SLC44A1: variants seen among roughly 807,000 people sequenced by gnomAD.
The protein encoded by SLC44A1 is solute carrier family 44 member 1, also known as choline transporter-like protein 1.
SLC44A1 carries 26 observed loss-of-function variants against 79.3 expected under a neutral mutation model. That is an observed-to-expected ratio of 0.33 (90% CI 0.24 to 0.46). The LOEUF is 0.46. SLC44A1 is among the 20% of genes least tolerant of loss of function. SLC44A1 has a pLI of 1.00. For missense variants in SLC44A1, 688 were observed against 798.1 expected, an observed-to-expected ratio of 0.86 and a Z score of 1.66; for synonymous variants, 263 against 286.2, an observed-to-expected ratio of 0.92 and a Z score of 0.82.
intron 3 of SLC44A1, among the ~76,000 whole-genome samples, chr9:105,327,001 G>C (rs1826598832): frequency 6.6e-6 from 1 of 152,172 alleles, no homozygotes; most frequent in Non-Finnish European, 1.5e-5. Flanking sequence ...TTCCAAACCA[G>C]AATGTCCTAA....
chr9:105,435,935 C>T (rs1298226243), intron 15 of SLC44A1, among the ~76,000 whole-genome samples: 4 of 152,348 alleles, frequency 2.6e-5, no homozygotes, highest in Non-Finnish European at 4.4e-5. Flanking sequence ...TGGTGGCTCA[C>T]GCCTGTAATC....
At chr9:105,351,630 A>AAGAG (rs372812083) in intron 5 of SLC44A1, among the ~76,000 whole-genome samples, 2 of 38,142 alleles carry the variant, frequency 5.2e-5, no homozygotes, top group African/African-American at 1.4e-4. Flanking sequence ...AAGAGAGAGA[A>AAGAG]AGAGAAAGAA....
intron 7 of SLC44A1, 80 bp from the exon 8 acceptor site, chr9:105,361,111 G>C: frequency 7.4e-7 from 1 of 1,359,474 alleles, no homozygotes; most frequent in Non-Finnish European, 1.1e-6. Flanking sequence ...TCTGTAGGAA[G>C]GGTCAAGAAA....
chr9:105,374,781 A>G (rs751503429), intron 13 of SLC44A1, 46 bp downstream of exon 13: 17 of 1,466,238 alleles, frequency 1.2e-5, no homozygotes, highest in South Asian at 3.6e-5. Context: ...AATTTTGCAT[A>G]TATTTATTTG....
chr9:105,247,090 A>ATT (rs11382735), intron 1 of SLC44A1, among the ~76,000 whole-genome samples: 64 of 137,640 alleles, frequency 4.6e-4, no homozygotes, highest in African/African-American at 1.4e-3. Context: ...AGAGCTGGTG[A>ATT]TTTTTTTTTT....
chr9:105,411,789 G>A (rs1375127783), intron 15 of SLC44A1, among the ~76,000 whole-genome samples: 1 of 152,086 alleles, frequency 6.6e-6, no homozygotes, highest in Non-Finnish European at 1.5e-5. Context: ...ACCACAGAAG[G>A]CATAACTGTG....
chr9:105,351,670 G>GAAAGAAAT (rs1157732457), intron 5 of SLC44A1, among the ~76,000 whole-genome samples: 22 of 150,486 alleles, frequency 1.5e-4, no homozygotes, highest in Non-Finnish European at 3.0e-4. Flanking sequence ...AAGAAAGAAA[G>GAAAGAAAT]AAAGAACCAA....
intron 15 of SLC44A1, among the ~76,000 whole-genome samples, chr9:105,432,285 T>C (rs1829407817): frequency 6.6e-6 from 1 of 152,198 alleles, no homozygotes; most frequent in Non-Finnish European, 1.5e-5. Context: ...GAAAAGTTGA[T>C]TTATAGCCCT....
intron 2 of SLC44A1, among the ~76,000 whole-genome samples, chr9:105,306,094 C>G (rs1467971415): frequency 1.3e-5 from 2 of 152,160 alleles, no homozygotes; most frequent in African/African-American, 4.8e-5. Flanking sequence ...TTCCTCTTCT[C>G]TCTCTTAAAA....
intron 15 of SLC44A1, among the ~76,000 whole-genome samples, chr9:105,424,055 T>C (rs1829289156): frequency 6.6e-6 from 1 of 152,196 alleles, no homozygotes. Flanking sequence ...AAAACACATA[T>C]GTACAGTATT....
chr9:105,371,923 A>T lies in SLC44A1; in HGVS notation c.1495-2675A>T, dbSNP rs1363619205. 3.9e-5 allele frequency among the ~76,000 whole-genome samples: 6 copies of T among 152,164 alleles called. No homozygotes were observed. The East Asian group carries it at 1.2e-3, about 29-fold the overall frequency. ...TCTTCATTGTTTTTCAGCAAGGTTA[A>T]TGTTACACAAGATCAAAAGTGTAGT... On this transcript the variant is annotated intron_variant, in intron 12 of 15. Transcript: ENST00000374720.
Position 105,309,637 on chromosome 9 carries a change from A to G in SLC44A1, c.127-87A>G, listed in dbSNP as rs1480722298. The stretch of plus-strand genomic sequence containing the variant: ...GATAGCTCTTTGTTCCCTTCAGCAG[A>G]CAAAAAGAAGCTCATTATCGTATCA... On this transcript the variant is annotated intron_variant, in intron 2 of 15. Coordinates refer to ENST00000374720, the MANE Select transcript of SLC44A1 (RefSeq NM_080546.5). 4.3e-5 allele frequency: 53 copies of G among 1,232,434 alleles called. No homozygotes were observed. The East Asian group carries it at 8.4e-4, about 20-fold the overall frequency. The allele number at this position is 1,232,434 out of a possible 1,614,324, so 76.3% of individuals were successfully genotyped here.
At chr9:105,272,719 A>G (rs1002158370) in intron 1 of SLC44A1, among the ~76,000 whole-genome samples, 2 of 152,078 alleles carry the variant, frequency 1.3e-5, no homozygotes, top group African/African-American at 4.8e-5. Flanking sequence ...AGGTATCCCA[A>G]ATTCCACTTA....
intron 3 of SLC44A1, among the ~76,000 whole-genome samples, chr9:105,312,086 A>G (rs114929197): frequency 0.012 from 1,767 of 152,276 alleles, 30 homozygotes; most frequent in African/African-American, 0.04. Flanking sequence ...CCTTACTGTC[A>G]GCCGCTAGTA....
At chr9:105,354,292 C>T (rs1013743544) in intron 5 of SLC44A1, among the ~76,000 whole-genome samples, 37 of 151,696 alleles carry the variant, frequency 2.4e-4, no homozygotes, top group African/African-American at 8.5e-4. Context: ...CCTCGTGATC[C>T]GCCCGCCTCG....
chr9:105,295,755 G>C (rs941553636), intron 1 of SLC44A1, among the ~76,000 whole-genome samples: 1 of 152,118 alleles, frequency 6.6e-6, no homozygotes, highest in African/African-American at 2.4e-5. Flanking sequence ...GACTTGGGGC[G>C]GGGAGTGGGG....
In SLC44A1 at chr9:105,391,996, G is replaced by A; in HGVS notation, c.*2940G>A. On this transcript the variant is annotated 3_prime_UTR_variant, in exon 16 of 16. Transcript: ENST00000374720. Reference sequence around the variant, plus strand: ...CTGGTGCATAATTTAGACTTTCTAAGCTCCTGCCTGAAGAATAAGGTCTTC... The same window carrying A: ...CTGGTGCATAATTTAGACTTTCTAAACTCCTGCCTGAAGAATAAGGTCTTC... The A allele has an allele frequency of 1.0e-6, 1 of 985,292 alleles. No individual in the cohort carries two copies. The highest frequency in any genetic ancestry group is 1.2e-6 in the Non-Finnish European group (1 of 829,908). The allele number at this position is 985,292 out of a possible 1,614,324, so 61.0% of individuals were successfully genotyped here. A position where few individuals can be genotyped will look rare whatever the true frequency, so the allele number is the denominator to read the frequency against.
chr9:105,281,292 T>C (rs1830344181), intron 1 of SLC44A1, among the ~76,000 whole-genome samples: 1 of 152,228 alleles, frequency 6.6e-6, no homozygotes. Flanking sequence ...TCTGGTGCCT[T>C]CTTTTCTTTC....
At chr9:105,267,903 G>A (rs560421854) in intron 1 of SLC44A1, among the ~76,000 whole-genome samples, 1 of 152,224 alleles carries the variant, frequency 6.6e-6, no homozygotes, top group African/African-American at 2.4e-5. Flanking sequence ...AACACTAAGT[G>A]TCAGTATCGT....
Sources: gnomAD v4.1 joint callset for allele counts (sites outside exome capture counted in the v4.1 genomes callset) on GRCh38, gnomAD v4.1.1 for gene constraint, MANE v1.5 for transcripts, NCBI Gene and HGNC (gene_info 2026-07-23, HGNC 2026-07-21) for gene names.